Variants in ARL15 observed in about 807,000 individuals in gnomAD.
The protein encoded by ARL15 is ARF like GTPase 15.
ARL15 carries 19 observed loss-of-function variants against 25.2 expected under a neutral mutation model. The ratio of observed to expected loss-of-function variants is 0.75; its 90% CI spans 0.53 to 1.10. The LOEUF (loss-of-function observed/expected upper bound fraction) is 1.10. ARL15 is among the 50% of genes least tolerant of loss of function. The probability of loss-of-function intolerance (pLI) is 0.00; values close to 1 mark genes in which losing one functional copy is unlikely to be tolerated. For synonymous variants in ARL15, 94 were observed against 86.8 expected (o/e 1.08, Z -0.46); for missense variants, 220 against 246.0 (o/e 0.89, Z 0.71).
intron 4 of ARL15, among the ~76,000 whole-genome samples, chr5:54,025,103 A>T (rs983611661): frequency 6.6e-6 from 1 of 152,192 alleles, no homozygotes; most frequent in Non-Finnish European, 1.5e-5. Flanking sequence ...GGCAGATTTG[A>T]TATCTACAGA....
rs190607638 is a variant in ARL15 at position 54,032,272 on chromosome 5, C to T, written c.462+80930G>A. On this transcript the variant is annotated intron_variant, in intron 4 of 4. Transcript: ENST00000504924. ...TTTTTGAGACAGAGTCTCACTCTGT[C>T]GCCCAGGCTGGAGTGCAGTGGCGTG... Among the ~76,000 whole-genome samples the T allele has an allele frequency of 2.6e-5, 4 of 151,626 alleles. No homozygotes were observed. In the East Asian group the frequency reaches 7.8e-4, roughly 30 times the overall value.
rs74693525 is a variant in ARL15 at position 53,919,076 on chromosome 5, A to G, written c.463-32363T>C. The stretch of plus-strand genomic sequence containing the variant: ...CATTCACTGGGCAACTGTACAGGAC[A>G]TAATACACCCCTCATAACACCTCCC... On this transcript the variant is annotated intron_variant, in intron 4 of 4. Transcript: ENST00000504924. Among the ~76,000 whole-genome samples, 1,458 of 152,312 alleles carry G rather than the reference A, an allele frequency of 9.6e-3. 19 individuals carry two copies. The highest frequency in any genetic ancestry group is 0.033 in the African/African-American group (1,382 of 41,568).
At chr5:54,186,394 A>C (rs562387173) in intron 1 of ARL15, among the ~76,000 whole-genome samples, 58 of 152,350 alleles carry the variant, frequency 3.8e-4, no homozygotes, top group Admixed American at 1.4e-3. Context: ...CTGAGCTGGC[A>C]GCAGTGGGAG....
At chr5:54,076,512 C>T (rs255765) in intron 4 of ARL15, among the ~76,000 whole-genome samples, 3 of 151,502 alleles carry the variant, frequency 2.0e-5, no homozygotes, top group Admixed American at 6.6e-5. Context: ...TCATAATATA[C>T]GTCAATATTA....
In ARL15 at chr5:54,040,186, A is replaced by G. The variant is rs539635880; in HGVS notation, c.462+73016T>C. On this transcript the variant is annotated intron_variant, in intron 4 of 4. Transcript: ENST00000504924. ...AAAATCCTATTTGGACTTGTCTGGC[A>G]CCAATGGCACATTCTTCCTGGCTAA... Among the ~76,000 whole-genome samples, 8 of 152,296 alleles carry G rather than the reference A, an allele frequency of 5.3e-5. No homozygotes were observed. In the East Asian group the frequency reaches 1.5e-3, roughly 29 times the overall value.
chr5:53,945,100 T>C (rs1746679961), intron 4 of ARL15, among the ~76,000 whole-genome samples: 1 of 152,166 alleles, frequency 6.6e-6, no homozygotes, highest in Non-Finnish European at 1.5e-5. Context: ...CTGAGAGAGA[T>C]GTGAGTCAGC....
chr5:53,972,575 T>G (rs1747787946), intron 4 of ARL15, among the ~76,000 whole-genome samples: 2 of 152,164 alleles, frequency 1.3e-5, no homozygotes, highest in South Asian at 4.1e-4. Flanking sequence ...TCTTTTTTTG[T>G]ACGTCAAAAA....
chr5:54,154,823 T>C (rs1405833907), intron 2 of ARL15, among the ~76,000 whole-genome samples, 184 bp from the exon 3 acceptor site: 2 of 152,166 alleles, frequency 1.3e-5, no homozygotes, highest in African/African-American at 4.8e-5. Context: ...TCTGCCATTA[T>C]CAAAACATAG....
chr5:54,267,423 T>G (rs1363113923), intron 1 of ARL15, among the ~76,000 whole-genome samples: 1 of 152,180 alleles, frequency 6.6e-6, no homozygotes, highest in African/African-American at 2.4e-5. Flanking sequence ...ATCCTCGAAA[T>G]TGTTTGTTTC....
intron 4 of ARL15, among the ~76,000 whole-genome samples, chr5:54,079,708 G>A (rs915546223): frequency 6.6e-6 from 1 of 152,026 alleles, no homozygotes; most frequent in African/African-American, 2.4e-5. Flanking sequence ...GGTGGCTCAC[G>A]CCTGTAATCC....
chr5:54,046,875 T>C (rs919345678), intron 4 of ARL15, among the ~76,000 whole-genome samples: 15 of 152,200 alleles, frequency 9.9e-5, no homozygotes, highest in African/African-American at 2.2e-4. Context: ...ATGGTTAGCA[T>C]GGTACGGCAG....
chr5:53,927,627 T>C (rs1377962785), intron 4 of ARL15, among the ~76,000 whole-genome samples: 1 of 152,168 alleles, frequency 6.6e-6, no homozygotes, highest in Non-Finnish European at 1.5e-5. Context: ...GTACTATGTA[T>C]GTGTCTAGGA....
chr5:53,958,117 G>A (rs1020805143), intron 4 of ARL15, among the ~76,000 whole-genome samples: 2 of 151,896 alleles, frequency 1.3e-5, no homozygotes, highest in Admixed American at 6.6e-5. Flanking sequence ...GGCTGAGACA[G>A]GAGAATCGCT....
Position 54,279,919 on chromosome 5 carries a change from C to G in ARL15, c.48+30513G>C, listed in dbSNP as rs538846510. ...TTTCTGGAGAAGCACAACTAACTGC[C>G]GGCCTCTTGCTGCCACAGCTTCAGG... On this transcript the variant is annotated intron_variant, in intron 1 of 4. Coordinates refer to ENST00000504924, the MANE Select transcript of ARL15 (RefSeq NM_019087.3). Among the ~76,000 whole-genome samples, 8 of 152,342 alleles carry G rather than the reference C, an allele frequency of 5.3e-5. No individual in the cohort carries two copies. The South Asian group carries it at 1.7e-3, about 32-fold the overall frequency.
intron 4 of ARL15, among the ~76,000 whole-genome samples, chr5:53,922,123 C>G (rs916942892): frequency 6.6e-6 from 1 of 152,216 alleles, no homozygotes; most frequent in African/African-American, 2.4e-5. Context: ...TGACCCTCAG[C>G]TGGCAGCCAC....
intron 4 of ARL15, among the ~76,000 whole-genome samples, chr5:54,017,028 T>A (rs775244566): frequency 6.6e-5 from 10 of 152,136 alleles, no homozygotes; most frequent in Non-Finnish European, 1.3e-4. Flanking sequence ...TCGTGGTGCG[T>A]CCTCTACTTT....
At chr5:54,197,531 A>C (rs1190001870) in intron 1 of ARL15, among the ~76,000 whole-genome samples, 1 of 152,176 alleles carries the variant, frequency 6.6e-6, no homozygotes, top group African/African-American at 2.4e-5. Context: ...TTCAATCAGT[A>C]CTTCCACATT....
intron 4 of ARL15, among the ~76,000 whole-genome samples, chr5:54,007,392 T>C (rs1302987393): frequency 6.6e-6 from 1 of 152,230 alleles, no homozygotes. Flanking sequence ...GCTTTAAATA[T>C]ATTCATCTTA....
At chr5:54,247,753 T>G (rs1757128084) in intron 1 of ARL15, among the ~76,000 whole-genome samples, 1 of 152,162 alleles carries the variant, frequency 6.6e-6, no homozygotes, top group South Asian at 2.1e-4. Flanking sequence ...ATTTTTGATG[T>G]GTATAGAACA....
Sources: allele counts gnomAD v4.1 joint callset (sites outside exome capture counted in the v4.1 genomes callset), GRCh38; gene constraint gnomAD v4.1.1; transcripts MANE v1.5; gene names NCBI Gene and HGNC (gene_info 2026-07-23, HGNC 2026-07-21).